GIT1: variants seen among roughly 807,000 people sequenced by gnomAD.
GIT1 encodes the protein GIT ArfGAP 1, also known as ARF GTPase-activating protein GIT1.
A neutral mutation model predicts 91.7 loss-of-function variants in GIT1; 14 were observed. The ratio of observed to expected loss-of-function variants is 0.15; its 90% CI spans 0.10 to 0.24. The LOEUF (loss-of-function observed/expected upper bound fraction) is 0.24. Among genes scored for constraint, GIT1 ranks in the 10% least tolerant of loss-of-function variants. The pLI is 1.00. For missense variants in GIT1, 717 were observed against 1,024.9 expected (o/e 0.70, Z 4.10); for synonymous variants, 414 against 418.2 (o/e 0.99, Z 0.12).
chr17:29,581,290 A>C lies in GIT1; in HGVS notation c.761+48T>G. Reference sequence around the variant, plus strand: ...TGGGAGCTCTGGGGGTCAGCCACCCACATGGCATCCAACAGCCTCTGGAAA... The same window carrying C: ...TGGGAGCTCTGGGGGTCAGCCACCCCCATGGCATCCAACAGCCTCTGGAAA... On this transcript the variant is annotated intron_variant, in intron 7 of 19. Transcript: ENST00000225394. This position sits in a 1 kb window ranked among gnomAD's most constrained non-coding sequence, Gnocchi z 4.8. 6.7e-7 allele frequency: 1 copy of C among 1,483,180 alleles called. No individual in the cohort carries two copies. Among genetic ancestry groups the C allele is most frequent in the Non-Finnish European group, 9.4e-7 (1 of 1,061,620 alleles). 91.9% of individuals were successfully genotyped at this position (1,483,180 alleles called of 1,614,324 possible).
chr17:29,577,551 T>C, intron 10 of GIT1, 94 bp downstream of exon 10: 1 of 854,676 alleles, frequency 1.2e-6, no homozygotes, highest in Non-Finnish European at 2.0e-6. Context: ...TGGCAAATGC[T>C]GGAGAGCTGG....
Position 29,574,487 on chromosome 17 carries a change from T to C in GIT1, c.*215A>G, listed in dbSNP as rs781462538. The C allele has an allele frequency of 3.2e-6, 2 of 621,648 alleles. No individual in the cohort carries two copies. Among genetic ancestry groups the C allele is most frequent in the Non-Finnish European group, 5.8e-6 (2 of 346,480 alleles). The allele number at this position is 621,648 out of a possible 1,614,324, so 38.5% of individuals were successfully genotyped here. On this transcript the variant is annotated 3_prime_UTR_variant, in exon 20 of 20. Coordinates refer to ENST00000225394, the MANE Select transcript of GIT1 (RefSeq NM_014030.4). ...ATGCTATATACAGAGGGGAGGTGCA[T>C]GGAATGTGGGGGACAGAAGCTCCTG...
intron 7 of GIT1, chr17:29,579,174 C>G (rs1340114798): frequency 6.6e-6 from 4 of 607,636 alleles, no homozygotes; most frequent in Middle Eastern, 4.4e-4. Context: ...TGCTCTTCCT[C>G]TCAGTGACCT....
chr17:29,578,924 C>A, intron 7 of GIT1, 145 bp from the exon 8 acceptor site: 1 of 1,609,276 alleles, frequency 6.2e-7, no homozygotes, highest in Non-Finnish European at 8.5e-7. Context: ...CCGCCCTACC[C>A]CACCTTCAGG....
chr17:29,587,032 C>A (rs1188898058), intron 1 of GIT1, among the ~76,000 whole-genome samples: 1 of 152,114 alleles, frequency 6.6e-6, no homozygotes, highest in African/African-American at 2.4e-5. Context: ...TCCATGACCC[C>A]CCAAATTAAC....
Position 29,581,886 on chromosome 17 carries a change from AC to A in GIT1, c.623+40del, listed in dbSNP as rs1214267179. The A allele has an allele frequency of 6.9e-6, 11 of 1,600,252 alleles. No individual in the cohort carries two copies. Among genetic ancestry groups the A allele is most frequent in the East Asian group, 2.2e-5 (1 of 44,800 alleles). ...ACCTGCAGCAGCAGCCCTCACCCAC[AC>A]CCCCACCCACCCACACTGCACCCTT... On this transcript the variant is annotated intron_variant, in intron 5 of 19. Coordinates refer to ENST00000225394, the MANE Select transcript of GIT1 (RefSeq NM_014030.4). This position sits in a 1 kb window ranked among gnomAD's most constrained non-coding sequence, Gnocchi z 4.8.
chr17:29,577,792 G>T, intron 9 of GIT1, 50 bp from the exon 10 acceptor site: 2 of 1,116,358 alleles, frequency 1.8e-6, no homozygotes, highest in South Asian at 1.2e-5. Context: ...AGGCCCCCAA[G>T]GTGGGGGTGG....
In GIT1 at chr17:29,581,297, A is replaced by C; in HGVS notation, c.761+41T>G. On this transcript the variant is annotated intron_variant, in intron 7 of 19. Coordinates refer to ENST00000225394, the MANE Select transcript of GIT1 (RefSeq NM_014030.4). The surrounding 1 kb of genome is among the most constrained non-coding windows in gnomAD (Gnocchi z 4.8). ...TCTGGGGGTCAGCCACCCACATGGC[A>C]TCCAACAGCCTCTGGAAAGGGGCAT... The C allele has an allele frequency of 6.5e-7, 1 of 1,538,258 alleles. No homozygotes were observed. The highest frequency in any genetic ancestry group is 9.0e-7 in the Non-Finnish European group (1 of 1,111,632).
In GIT1 at chr17:29,581,815, C is replaced by T. The variant is rs749911009; in HGVS notation, c.645G>A (p.Leu215=). 3.1e-6 allele frequency: 5 copies of T among 1,612,598 alleles called. No homozygotes were observed. The South Asian group carries it at 5.5e-5, about 18-fold the overall frequency. Residue 215 remains leucine (L), a synonymous_variant, in exon 6 of 20, where the codon CTG becomes CTA. Coordinates refer to ENST00000225394, the MANE Select transcript of GIT1 (RefSeq NM_014030.4). The surrounding 1 kb of genome is among the most constrained non-coding windows in gnomAD (Gnocchi z 4.8). ...DYARQAGHHE[L]AERLVECQYE... is the part of the protein sequence containing the mutation. ...ATTGGCACTCAACCAGCCTTTCCGC[C>T]AGCTCATGGTGCCCCGCCTGCCTGT... is the stretch of plus-strand genomic sequence containing the variant.
At position 29,575,345 on chromosome 17, in the gene GIT1, T is replaced by C; in HGVS notation, c.1952A>G (p.Gln651Arg). Residue 651 changes from glutamine (Q) to arginine (R), a missense_variant, in exon 18 of 20, where the codon CAG becomes CGG. Physicochemically the swap from Gln to Arg is conservative, Grantham distance 43. Transcript: ENST00000225394. This position sits in a 1 kb window ranked among gnomAD's most constrained non-coding sequence, Gnocchi z 5.5. The part of the protein sequence containing the change: ...STEDVILKTE[Q>R]VTKNIQELLR... The stretch of plus-strand genomic sequence containing the variant: ...CAGTTCCTGAATGTTCTTGGTGACC[T>C]GCTCTGTCTTCAAGATGACATCCTC... 1 of 1,613,652 alleles carries C rather than the reference T, an allele frequency of 6.2e-7. No homozygotes were observed.
chr17:29,584,608 A>AG (rs1326029442), intron 1 of GIT1, among the ~76,000 whole-genome samples: 1 of 152,212 alleles, frequency 6.6e-6, no homozygotes, highest in Non-Finnish European at 1.5e-5. Context: ...GAGTGGGGGC[A>AG]GGGCGCCTCT....
chr17:29,583,522 C>T lies in GIT1; in HGVS notation c.147G>A (p.Lys49=), dbSNP rs909128158. 2.1e-5 allele frequency: 34 copies of T among 1,612,416 alleles called. No homozygotes were observed. Among genetic ancestry groups the T allele is most frequent in the Non-Finnish European group, 2.7e-5 (32 of 1,179,956 alleles). ...GAGGCCAGGCGCTGTGGCGAAGGTG[C>T]TTGACAATGGAGATGTGGCGTCCCA... is the stretch of plus-strand genomic sequence containing the variant. ...RSLGRHISIV[K]HLRHSAWPPT... Residue 49 remains lysine, a synonymous_variant, in exon 2 of 20, where the codon AAG becomes AAA. Transcript: ENST00000225394.
Position 29,581,074 on chromosome 17 carries a change from C to G in GIT1, c.761+264G>C. 1.9e-6 allele frequency: 1 copy of G among 528,172 alleles called. No homozygotes were observed. The highest frequency in any genetic ancestry group is 3.1e-5 in the East Asian group (1 of 32,078). 32.7% of individuals were successfully genotyped at this position (528,172 alleles called of 1,614,324 possible). A position where few individuals can be genotyped will look rare whatever the true frequency, so the allele number is the denominator to read the frequency against. On this transcript the variant is annotated intron_variant, in intron 7 of 19. Coordinates refer to ENST00000225394, the MANE Select transcript of GIT1 (RefSeq NM_014030.4). The surrounding 1 kb of genome is among the most constrained non-coding windows in gnomAD (Gnocchi z 4.8). ...GATTACAGGCGTGAGCCACCGCGCCCGGCCCACAGGTAGCTTCTCACACCC... is the reference window on the plus strand; with the variant it reads ...GATTACAGGCGTGAGCCACCGCGCCGGGCCCACAGGTAGCTTCTCACACCC...
At chr17:29,586,950 C>A (rs1381730350) in intron 1 of GIT1, among the ~76,000 whole-genome samples, 1 of 152,212 alleles carries the variant, frequency 6.6e-6, no homozygotes, top group Non-Finnish European at 1.5e-5. Context: ...TCACACTTGT[C>A]CTGTGTGCCC....
In GIT1 at chr17:29,574,519, C is replaced by CA. The variant is rs35948647; in HGVS notation, c.*182dup. ...TGGGGGACAGAAGCTCCTGCCCCCC[C>CA]ACCTCCCCATCCTTAGGGGCTCGAC... On this transcript the variant is annotated 3_prime_UTR_variant, in exon 20 of 20. Transcript: ENST00000225394. 0.24 allele frequency: 155,688 copies of CA among 661,324 alleles called. 19,475 individuals carry two copies. Among genetic ancestry groups the CA allele is most frequent in the African/African-American group, 0.28 (15,667 of 55,872 alleles). 41.0% of individuals were successfully genotyped at this position (661,324 alleles called of 1,614,324 possible). A position where few individuals can be genotyped will look rare whatever the true frequency, so the allele number is the denominator to read the frequency against.
Position 29,577,187 on chromosome 17 carries a change from G to C in GIT1, c.1042C>G (p.Leu348Val), listed in dbSNP as rs1432944112. The C allele has an allele frequency of 1.2e-6, 2 of 1,614,014 alleles. No individual in the cohort carries two copies. The highest frequency in any genetic ancestry group is 2.2e-5 in the East Asian group (1 of 44,886). ...REFATLIIDILSEAKRRQQGK... is the reference protein window; with the variant it reads ...REFATLIIDIVSEAKRRQQGK... ...TGCTGTCTCCGCTTGGCCTCACTGAGAATGTCGATGATCAAGGTGGCAAAC... is the reference window on the plus strand; with the variant it reads ...TGCTGTCTCCGCTTGGCCTCACTGACAATGTCGATGATCAAGGTGGCAAAC... The change falls in exon 11 of 20, where the codon CTC becomes GTC. Residue 348 changes from leucine to valine, a missense_variant. This residue lies in a region of GIT1 where 312 missense variants were observed against 349.5 expected (regional missense o/e 0.89). Transcript: ENST00000225394.
At position 29,576,150 on chromosome 17, in the gene GIT1, C is replaced by T. The variant is rs751934503; in HGVS notation, c.1612-19G>A. 2.0e-5 allele frequency: 33 copies of T among 1,613,218 alleles called. No individual in the cohort carries two copies. The highest frequency in any genetic ancestry group is 1.3e-4 in the East Asian group (6 of 44,884). ...CTAGCTCCTGGGGATGTTAGCACAG[C>T]GAGCGTCATGGTGGACCCTGCGGCA... On this transcript the variant is annotated intron_variant, in intron 14 of 19. Coordinates refer to ENST00000225394, the MANE Select transcript of GIT1 (RefSeq NM_014030.4).
chr17:29,581,569 C>G lies in GIT1; in HGVS notation c.718+173G>C, dbSNP rs1434643783. 1 of 697,066 alleles carries G rather than the reference C, an allele frequency of 1.4e-6. No individual in the cohort carries two copies. Among genetic ancestry groups the G allele is most frequent in the Non-Finnish European group, 2.5e-6 (1 of 395,802 alleles). 43.2% of individuals were successfully genotyped at this position (697,066 alleles called of 1,614,324 possible). ...GGATGCCCACCCCCACTCCCTAGCC[C>G]CAGCGATGCTATGGCCCAGAGCCTG... On this transcript the variant is annotated intron_variant, in intron 6 of 19. Transcript: ENST00000225394. This position sits in a 1 kb window ranked among gnomAD's most constrained non-coding sequence, Gnocchi z 4.8.
chr17:29,589,400 A>T lies in GIT1; in HGVS notation c.-22T>A. The T allele has an allele frequency of 9.7e-7, 1 of 1,026,774 alleles. No individual in the cohort carries two copies. Among genetic ancestry groups the T allele is most frequent in the Non-Finnish European group, 1.2e-6 (1 of 851,362 alleles). 63.6% of individuals were successfully genotyped at this position (1,026,774 alleles called of 1,614,324 possible). A position where few individuals can be genotyped will look rare whatever the true frequency, so the allele number is the denominator to read the frequency against. Reference sequence around the variant, plus strand: ...ACATCCTCAGCGGCGACGCGGCCGCAGCCCTCTGGGCCAGCGTGGGGGGCG... The same window carrying T: ...ACATCCTCAGCGGCGACGCGGCCGCTGCCCTCTGGGCCAGCGTGGGGGGCG... On this transcript the variant is annotated 5_prime_UTR_variant, in exon 1 of 20. Transcript: ENST00000225394. This position sits in a 1 kb window ranked among gnomAD's most constrained non-coding sequence, Gnocchi z 5.2.
Sources: allele counts gnomAD v4.1 joint callset (sites outside exome capture counted in the v4.1 genomes callset), GRCh38; gene constraint gnomAD v4.1.1; regional missense constraint gnomAD v4.1.1; non-coding constraint Gnocchi (gnomAD v3.1); transcripts MANE v1.5; gene names NCBI Gene and HGNC (gene_info 2026-07-23, HGNC 2026-07-21).